Variants in DOCK10 observed in about 807,000 individuals in gnomAD.
DOCK10 encodes the protein dedicator of cytokinesis protein 10.
In DOCK10, 145 loss-of-function variants were observed where a neutral mutation model predicts 280.1. That is an observed-to-expected ratio of 0.52 (90% CI 0.45 to 0.59). The LOEUF (loss-of-function observed/expected upper bound fraction) is 0.59, where lower values mean the gene tolerates loss of function less well. Among genes scored for constraint, DOCK10 ranks in the 20% least tolerant of loss-of-function variants. DOCK10 has a pLI of 0.00. For missense variants in DOCK10, 2,368 were observed against 2,651.7 expected (o/e 0.89, Z 2.35); for synonymous variants, 915 against 942.2 (o/e 0.97, Z 0.53).
At position 224,953,941 on chromosome 2, in the gene DOCK10, G is replaced by C. The variant is rs374383636; in HGVS notation, c.124-22273C>G. 7.4e-4 allele frequency among the ~76,000 whole-genome samples: 113 copies of C among 152,268 alleles called. 1 individual carries two copies. The East Asian group carries it at 0.015, about 21-fold the overall frequency. Reference sequence around the variant, plus strand: ...GTCTGTGTGTGCAGAGTGTGTGTGTGTGTGTGATGCATGCTTATTGTGTGT... The same window carrying C: ...GTCTGTGTGTGCAGAGTGTGTGTGTCTGTGTGATGCATGCTTATTGTGTGT... On this transcript the variant is annotated intron_variant, in intron 1 of 55. Transcript: ENST00000258390.
chr2:224,845,108 T>G, intron 21 of DOCK10, 95 bp downstream of exon 21: 1 of 1,279,712 alleles, frequency 7.8e-7, no homozygotes, highest in Non-Finnish European at 1.1e-6. Context: ...AAGGGACATG[T>G]CCACTATGAT....
intron 8 of DOCK10, 135 bp downstream of exon 8, chr2:224,875,903 A>G (rs1698598006): frequency 3.8e-6 from 3 of 790,474 alleles, no homozygotes; most frequent in Non-Finnish European, 5.9e-6. Flanking sequence ...GGAGTGATTT[A>G]GTGATTCTTG....
At chr2:225,005,323 G>T (rs1183298133) in intron 1 of DOCK10, among the ~76,000 whole-genome samples, 3 of 152,266 alleles carry the variant, frequency 2.0e-5, no homozygotes, top group Non-Finnish European at 2.9e-5. Flanking sequence ...GCAATGTAAG[G>T]ACATGATTTC....
At chr2:224,874,443 T>C in intron 9 of DOCK10, 94 bp from the exon 10 acceptor site, 1 of 1,046,256 alleles carries the variant, frequency 9.6e-7, no homozygotes, top group Non-Finnish European at 1.4e-6. Flanking sequence ...CTTAGTATTA[T>C]CACCATTTTA....
At chr2:224,854,887 C>T in intron 16 of DOCK10, 76 bp downstream of exon 16, 1 of 1,182,900 alleles carries the variant, frequency 8.5e-7, no homozygotes, top group Non-Finnish European at 1.2e-6. Flanking sequence ...AACCAACCAA[C>T]CAACCAACCA....
chr2:224,863,194 T>C (rs527556384), intron 13 of DOCK10, among the ~76,000 whole-genome samples: 12 of 152,330 alleles, frequency 7.9e-5, no homozygotes, highest in Non-Finnish European at 1.0e-4. Flanking sequence ...TTCAACTCTG[T>C]TTCTGTAGCA....
At chr2:224,934,239 A>G (rs935914945) in intron 1 of DOCK10, among the ~76,000 whole-genome samples, 1 of 152,210 alleles carries the variant, frequency 6.6e-6, no homozygotes, top group African/African-American at 2.4e-5. Flanking sequence ...TATGACATCA[A>G]TTAATGAATG....
At chr2:224,931,703 C>G (rs1203185732) in intron 1 of DOCK10, 35 bp from the exon 2 acceptor site, 3 of 1,547,426 alleles carry the variant, frequency 1.9e-6, no homozygotes, top group African/African-American at 2.8e-5. Flanking sequence ...TAATCACTGA[C>G]ATACACCATC....
rs1705017243 is a variant in DOCK10 at position 224,970,436 on chromosome 2, A to G, written c.124-38768T>C. The stretch of plus-strand genomic sequence containing the variant: ...TCCTACAGTTCTCAAAAGGCACAAC[A>G]AGCCTGATATCAATACCCAGATTTT... On this transcript the variant is annotated intron_variant, in intron 1 of 55. Transcript: ENST00000258390. This position sits in a 1 kb window ranked among gnomAD's most constrained non-coding sequence, Gnocchi z 4.6. Among the ~76,000 whole-genome samples the G allele has an allele frequency of 6.6e-6, 1 of 152,192 alleles. No homozygotes were observed. The highest frequency in any genetic ancestry group is 2.4e-5 in the African/African-American group (1 of 41,436).
chr2:224,986,064 G>C (rs893991697), intron 1 of DOCK10, among the ~76,000 whole-genome samples: 1 of 152,174 alleles, frequency 6.6e-6, no homozygotes, highest in African/African-American at 2.4e-5. Context: ...CATGATGGAG[G>C]TGAAGCCCAC....
rs779984785 is a variant in DOCK10 at position 224,805,420 on chromosome 2, G to T, written c.3924C>A (p.Asp1308Glu). 6.2e-7 allele frequency: 1 copy of T among 1,612,708 alleles called. No individual in the cohort carries two copies. The highest frequency in any genetic ancestry group is 1.3e-5 in the African/African-American group (1 of 74,850). The part of the protein sequence containing the change: ...STNEKSSEKT[D>E]NCEKIPRPLS... The stretch of plus-strand genomic sequence containing the variant: ...AGGGAAGTCATACCTTTTCACAGTT[G>T]TCCGTCTTCTCACTGCTCTTCTCAT... The change falls in exon 35 of 56, where the codon GAC becomes GAA. Residue 1308 changes from aspartate (D) to glutamate (E), a missense_variant. Coordinates refer to ENST00000258390, the MANE Select transcript of DOCK10 (RefSeq NM_014689.3). The surrounding 1 kb of genome is among the most constrained non-coding windows in gnomAD (Gnocchi z 4.3).
Position 224,897,826 on chromosome 2 carries a change from A to G in DOCK10, c.334-1449T>C, listed in dbSNP as rs1162039211. 1.3e-5 allele frequency among the ~76,000 whole-genome samples: 2 copies of G among 152,210 alleles called. 1 individual carries two copies. Among genetic ancestry groups the G allele is most frequent in the Admixed American group, 1.3e-4 (2 of 15,292 alleles). On this transcript the variant is annotated intron_variant, in intron 3 of 55. Coordinates refer to ENST00000258390, the MANE Select transcript of DOCK10 (RefSeq NM_014689.3). ...GATTATATAATATTTATGGATGGAA[A>G]TATTTTCCAAACACCTACCATGCAC... is the stretch of plus-strand genomic sequence containing the variant.
intron 4 of DOCK10, among the ~76,000 whole-genome samples, chr2:224,888,354 T>C (rs899539345): frequency 2.0e-5 from 3 of 152,042 alleles, no homozygotes; most frequent in Non-Finnish European, 4.4e-5. Flanking sequence ...TACATATGTG[T>C]GTGTCTGTAT....
intron 1 of DOCK10, among the ~76,000 whole-genome samples, chr2:225,030,022 T>C (rs1690033236): frequency 6.6e-6 from 1 of 151,642 alleles, no homozygotes; most frequent in African/African-American, 2.4e-5. Flanking sequence ...GGCACACACC[T>C]GTAGTCCCAG....
At chr2:225,007,526 A>C (rs1416543115) in intron 1 of DOCK10, among the ~76,000 whole-genome samples, 2 of 152,240 alleles carry the variant, frequency 1.3e-5, no homozygotes, top group Admixed American at 1.3e-4. Flanking sequence ...AGTTAAAAGG[A>C]TATAAAAGAA....
At chr2:224,802,188 G>C in intron 39 of DOCK10, 148 bp from the exon 40 acceptor site, 1 of 835,974 alleles carries the variant, frequency 1.2e-6, no homozygotes, top group Non-Finnish European at 1.8e-6. Flanking sequence ...AATTATAGGT[G>C]ACATGATGAG....
intron 33 of DOCK10, among the ~76,000 whole-genome samples, chr2:224,806,802 G>A (rs1200041957): frequency 6.6e-6 from 1 of 152,016 alleles, no homozygotes; most frequent in Non-Finnish European, 1.5e-5. Flanking sequence ...TACAGGTGGG[G>A]TCTTGCTATG....
intron 1 of DOCK10, among the ~76,000 whole-genome samples, chr2:224,958,264 G>A (rs1411750392): frequency 6.6e-6 from 1 of 152,208 alleles, no homozygotes; most frequent in African/African-American, 2.4e-5. Context: ...CTGCTACAGT[G>A]TATGGTTTAT....
intron 2 of DOCK10, among the ~76,000 whole-genome samples, chr2:224,919,856 T>A (rs1386405160): frequency 1.3e-5 from 2 of 152,072 alleles, no homozygotes; most frequent in Admixed American, 1.3e-4. Flanking sequence ...AAATGAATGC[T>A]CGCCCTAAAG....
Sources: gnomAD v4.1 joint callset for allele counts (sites outside exome capture counted in the v4.1 genomes callset) on GRCh38, gnomAD v4.1.1 for gene constraint, Gnocchi (gnomAD v3.1) non-coding constraint, MANE v1.5 for transcripts, NCBI Gene and HGNC (gene_info 2026-07-23, HGNC 2026-07-21) for gene names.